CEP112: variants seen among roughly 807,000 people sequenced by gnomAD.
The protein encoded by CEP112 is centrosomal protein of 112 kDa.
Under a neutral mutation model 153.0 loss-of-function variants are expected in CEP112, and 127 were observed. The ratio of observed to expected loss-of-function variants is 0.83; its 90% CI spans 0.72 to 0.96. CEP112 has a LOEUF of 0.96. Ranked by LOEUF, CEP112 falls within the 40% of genes least tolerant of loss-of-function variation. CEP112 has a pLI of 0.00. For missense variants in CEP112, 1,089 were observed against 1,101.2 expected (o/e 0.99, Z 0.16); for synonymous variants, 358 against 374.4 (o/e 0.96, Z 0.51).
At chr17:65,755,030 G>A (rs976964182) in intron 21 of CEP112, among the ~76,000 whole-genome samples, 8 of 151,832 alleles carry the variant, frequency 5.3e-5, no homozygotes, top group Non-Finnish European at 5.9e-5. Context: ...CATGGCACAC[G>A]TTTACTATGT....
intron 20 of CEP112, among the ~76,000 whole-genome samples, chr17:65,857,207 G>A (rs2058151791): frequency 6.6e-6 from 1 of 152,102 alleles, no homozygotes; most frequent in African/African-American, 2.4e-5. Context: ...TATCACTAAA[G>A]ACAGAAACTT....
intron 24 of CEP112, among the ~76,000 whole-genome samples, chr17:65,662,839 AAAAC>A (rs1220481357): frequency 6.6e-6 from 1 of 152,210 alleles, no homozygotes; most frequent in Non-Finnish European, 1.5e-5. Flanking sequence ...TCTATAAGTG[AAAAC>A]AAACAGAAAG....
intron 20 of CEP112, among the ~76,000 whole-genome samples, chr17:65,859,209 C>T (rs1372323553): frequency 1.3e-5 from 2 of 151,744 alleles, no homozygotes; most frequent in Non-Finnish European, 2.9e-5. Flanking sequence ...TTTGAGAGGC[C>T]GAGGCGGGCA....
intron 21 of CEP112, among the ~76,000 whole-genome samples, chr17:65,839,686 A>G (rs569565428): frequency 6.6e-6 from 1 of 152,266 alleles, no homozygotes; most frequent in Admixed American, 6.5e-5. Flanking sequence ...ATTAGGCAAG[A>G]GAAAAAAATA....
intron 21 of CEP112, among the ~76,000 whole-genome samples, chr17:65,792,500 T>C (rs985682789): frequency 6.6e-6 from 1 of 152,146 alleles, no homozygotes; most frequent in East Asian, 1.9e-4. Flanking sequence ...TACATACCGA[T>C]GTCTCTTTCT....
chr17:65,914,805 C>T (rs2060413890), intron 19 of CEP112, among the ~76,000 whole-genome samples: 1 of 152,148 alleles, frequency 6.6e-6, no homozygotes, highest in African/African-American at 2.4e-5. Context: ...CCTCTAGATA[C>T]CACTCATTTC....
chr17:66,084,179 G>A (rs892156116), intron 8 of CEP112, among the ~76,000 whole-genome samples: 2 of 152,032 alleles, frequency 1.3e-5, no homozygotes, highest in Non-Finnish European at 2.9e-5. Flanking sequence ...GCAATGATGT[G>A]GAAAAAAGAG....
intron 12 of CEP112, among the ~76,000 whole-genome samples, chr17:66,040,658 T>C (rs1289467147): frequency 1.3e-5 from 2 of 150,270 alleles, no homozygotes; most frequent in Admixed American, 1.3e-4. Flanking sequence ...GCTTGGCGAA[T>C]TGTTGTATTT....
chr17:65,892,454 C>T (rs1224989373), intron 20 of CEP112, among the ~76,000 whole-genome samples: 1 of 152,112 alleles, frequency 6.6e-6, no homozygotes, highest in Non-Finnish European at 1.5e-5. Flanking sequence ...GAGATTTACT[C>T]TACTACTCTT....
intron 24 of CEP112, among the ~76,000 whole-genome samples, chr17:65,649,938 C>T (rs2045649373): frequency 6.6e-6 from 1 of 152,114 alleles, no homozygotes; most frequent in African/African-American, 2.4e-5. Context: ...GTTGGTTTTG[C>T]TTTTCAAGCA....
chr17:65,659,328 CTCTT>C (rs1158179918), intron 24 of CEP112, among the ~76,000 whole-genome samples: 3 of 152,194 alleles, frequency 2.0e-5, no homozygotes, highest in Non-Finnish European at 4.4e-5. Flanking sequence ...GCTACGACTG[CTCTT>C]TCTTTTCTGC....
At position 66,042,337 on chromosome 17, in the gene CEP112, G is replaced by C. The variant is rs553366239; in HGVS notation, c.1218+11399C>G. On this transcript the variant is annotated intron_variant, in intron 12 of 26. Transcript: ENST00000535342. ...TACACTTTAGCCTGGGTGACAGAGA[G>C]AGACTGTCTCAACAAAATAAAATAA... Among the ~76,000 whole-genome samples, 24 of 152,182 alleles carry C rather than the reference G, an allele frequency of 1.6e-4. 1 individual carries two copies. The South Asian group carries it at 4.1e-3, about 26-fold the overall frequency.
At position 65,852,015 on chromosome 17, in the gene CEP112, G is replaced by T; in HGVS notation, c.2183C>A (p.Ala728Asp). ...RDAQVIADME[A>D]QVHKLREELI... is the part of the protein sequence containing the mutation. ...TTCTTCTCTCAACTTGTGAACCTGG[G>T]CCTCCATGTCGGCAATAACCTTGTT... The change falls in exon 21 of 27, where the codon GCC becomes GAC. Residue 728 changes from alanine to aspartate, a missense_variant. Ala to Asp is a moderately radical substitution (Grantham distance 126, BLOSUM62 -2). Transcript: ENST00000535342. 1.3e-5 allele frequency: 21 copies of T among 1,609,990 alleles called. No individual in the cohort carries two copies. Among genetic ancestry groups the T allele is most frequent in the Admixed American group, 1.7e-5 (1 of 59,208 alleles).
chr17:65,901,414 C>T (rs2059843613), intron 20 of CEP112, among the ~76,000 whole-genome samples: 1 of 152,176 alleles, frequency 6.6e-6, no homozygotes, highest in African/African-American at 2.4e-5. Flanking sequence ...ATATACTCTA[C>T]AGAATGTATT....
chr17:66,122,010 G>A (rs570613724), intron 6 of CEP112, among the ~76,000 whole-genome samples: 46 of 151,902 alleles, frequency 3.0e-4, no homozygotes, highest in Admixed American at 9.2e-4. Flanking sequence ...TCCTCCTGCC[G>A]CAGCTTCCCA....
At chr17:66,009,189 T>TTGTGTGTGTGTGTGTGTGTGTGTGTGTG (rs34971943) in intron 16 of CEP112, among the ~76,000 whole-genome samples, 20 of 146,944 alleles carry the variant, frequency 1.4e-4, no homozygotes, top group African/African-American at 4.8e-4. Flanking sequence ...TGTTATCCCT[T>TTGTGTGTGTGTGTGTGTGTGTGTGTGTG]TGTGTGTGTG....
chr17:66,136,896 G>A (rs914493688), intron 4 of CEP112, among the ~76,000 whole-genome samples: 2 of 152,124 alleles, frequency 1.3e-5, no homozygotes, highest in Admixed American at 6.6e-5. Flanking sequence ...TTGAAGGTCT[G>A]CCCCTGTACA....
intron 20 of CEP112, among the ~76,000 whole-genome samples, chr17:65,880,463 T>A (rs1032259730): frequency 6.6e-6 from 1 of 152,216 alleles, no homozygotes; most frequent in Non-Finnish European, 1.5e-5. Context: ...GGCTATCTTA[T>A]GGAGGCAGAC....
intron 4 of CEP112, among the ~76,000 whole-genome samples, chr17:66,169,071 C>A (rs1294328276): frequency 6.6e-6 from 1 of 151,902 alleles, no homozygotes; most frequent in Non-Finnish European, 1.5e-5. Flanking sequence ...AATAAGGTGC[C>A]TGATGATGGA....
Sources: gnomAD v4.1 joint callset for allele counts (sites outside exome capture counted in the v4.1 genomes callset) on GRCh38, gnomAD v4.1.1 for gene constraint, MANE v1.5 for transcripts, NCBI Gene and HGNC (gene_info 2026-07-23, HGNC 2026-07-21) for gene names.